PARD6G: variants seen among roughly 807,000 people sequenced by gnomAD.
PARD6G encodes par-6 family cell polarity regulator gamma.
In PARD6G, 7 loss-of-function variants were observed where a neutral mutation model predicts 10.7. The observed-to-expected ratio is 0.66, with a 90% confidence interval of 0.37 to 1.23. The LOEUF (loss-of-function observed/expected upper bound fraction) is 1.23, where lower values mean the gene tolerates loss of function less well. PARD6G is among the 50% of genes most tolerant of loss of function. The probability of loss-of-function intolerance (pLI) is 0.02; values close to 1 mark genes in which losing one functional copy is unlikely to be tolerated. For missense variants in PARD6G, 548 were observed against 571.8 expected (o/e 0.96, Z 0.42); for synonymous variants, 287 against 269.4 (o/e 1.07, Z -0.64).
chr18:80,166,959 C>G (rs565038690), intron 2 of PARD6G, among the ~76,000 whole-genome samples: 2 of 152,108 alleles, frequency 1.3e-5, no homozygotes, highest in African/African-American at 2.4e-5. Flanking sequence ...CCCATGCTGA[C>G]CCCTCTGGCC....
In PARD6G at chr18:80,160,290, C is replaced by G. The variant is rs769340015; in HGVS notation, c.612G>C (p.Ala204=). The G allele has an allele frequency of 1.2e-6, 2 of 1,612,466 alleles. No individual in the cohort carries two copies. Among genetic ancestry groups the G allele is most frequent in the East Asian group, 4.5e-5 (2 of 44,866 alleles). Residue 204 remains alanine (A), a synonymous_variant, in exon 3 of 3, where the codon GCG becomes GCC. Coordinates refer to ENST00000353265, the MANE Select transcript of PARD6G (RefSeq NM_032510.4). ...TCACAGCCAGCAGCCCGGTGCTCTC[C>G]GCCAGGCCCCCGGGTACCATGCGCG... ...FISRMVPGGL[A]ESTGLLAVND... is the part of the protein sequence containing the mutation.
At position 80,226,167 on chromosome 18, in the gene PARD6G, T is replaced by G. The variant is rs1027965920; in HGVS notation, c.72+21110A>C. Among the ~76,000 whole-genome samples the G allele has an allele frequency of 4.1e-4, 57 of 138,960 alleles. 3 individuals are homozygous for G. The highest frequency in any genetic ancestry group is 1.2e-3 in the African/African-American group (43 of 36,932). The allele number at this position is 138,960 out of a possible 152,430, so 91.2% of individuals were successfully genotyped here. On this transcript the variant is annotated intron_variant, in intron 1 of 2. Transcript: ENST00000353265. ...ATGACTTCAGTTTTTTTTTTTTTTT[T>G]TTTTTTTTTTTTTTTTTTTTAGACG...
At position 80,226,173 on chromosome 18, in the gene PARD6G, T is replaced by G. The variant is rs966060971; in HGVS notation, c.72+21104A>C. On this transcript the variant is annotated intron_variant, in intron 1 of 2. Transcript: ENST00000353265. ...TCAGTTTTTTTTTTTTTTTTTTTTTTTTTTTTTTTTTTTTAGACGGAGTTT... is the reference window on the plus strand; with the variant it reads ...TCAGTTTTTTTTTTTTTTTTTTTTTGTTTTTTTTTTTTTTAGACGGAGTTT... 2.0e-3 allele frequency among the ~76,000 whole-genome samples: 286 copies of G among 142,250 alleles called. 13 individuals are homozygous for G. The highest frequency in any genetic ancestry group is 2.9e-3 in the Non-Finnish European group (191 of 65,786). 93.3% of individuals were successfully genotyped at this position (142,250 alleles called of 152,430 possible). A position where few individuals can be genotyped will look rare whatever the true frequency, so the allele number is the denominator to read the frequency against.
intron 2 of PARD6G, among the ~76,000 whole-genome samples, chr18:80,195,554 T>TATATATATATATATATAC (rs1226885340): frequency 1.2e-5 from 1 of 86,650 alleles, no homozygotes; most frequent in South Asian, 3.2e-4. Context: ...GATACATATA[T>TATATATATATATATATAC]ATATATATAT....
intron 1 of PARD6G, among the ~76,000 whole-genome samples, chr18:80,214,397 C>T (rs993578968): frequency 1.8e-4 from 27 of 151,948 alleles, no homozygotes; most frequent in South Asian, 1.2e-3. Context: ...ACCCGGGAGG[C>T]GGACCTTGCA....
chr18:80,172,146 C>T (rs1249405522), intron 2 of PARD6G, among the ~76,000 whole-genome samples: 1 of 152,188 alleles, frequency 6.6e-6, no homozygotes, highest in Non-Finnish European at 1.5e-5. Context: ...TTCTATTCCC[C>T]CCAGCAGTTC....
Position 80,159,481 on chromosome 18 carries a change from A to T in PARD6G, c.*290T>A. 3.0e-6 allele frequency: 1 copy of T among 335,752 alleles called. No individual in the cohort carries two copies. The highest frequency in any genetic ancestry group is 5.2e-6 in the Non-Finnish European group (1 of 190,490). 20.8% of individuals were successfully genotyped at this position (335,752 alleles called of 1,614,324 possible). On this transcript the variant is annotated 3_prime_UTR_variant, in exon 3 of 3. Transcript: ENST00000353265. ...AAAACAAAGTATTTGTAAAAATTTT[A>T]AAAAGCATTTTTTTGCACTTGGTCA...
chr18:80,220,197 G>A (rs1219978322), intron 1 of PARD6G, among the ~76,000 whole-genome samples: 2 of 152,128 alleles, frequency 1.3e-5, no homozygotes, highest in African/African-American at 4.8e-5. Flanking sequence ...AGCAAAGTTG[G>A]GGGAAAGCCC....
At chr18:80,205,610 C>A (rs909145853) in intron 1 of PARD6G, among the ~76,000 whole-genome samples, 2 of 152,184 alleles carry the variant, frequency 1.3e-5, no homozygotes, top group Non-Finnish European at 2.9e-5. Flanking sequence ...CACCTTCCCC[C>A]TCTTTTAGTC....
chr18:80,172,687 G>T (rs2052785092), intron 2 of PARD6G, among the ~76,000 whole-genome samples: 1 of 152,124 alleles, frequency 6.6e-6, no homozygotes, highest in Admixed American at 6.5e-5. Context: ...GCCCAGCTGG[G>T]TTGTCTTTTC....
chr18:80,233,462 T>C (rs937378967), intron 1 of PARD6G, among the ~76,000 whole-genome samples: 1 of 152,080 alleles, frequency 6.6e-6, no homozygotes, highest in Non-Finnish European at 1.5e-5. Flanking sequence ...CTCTCCCTCA[T>C]GAAGGACCAC....
At chr18:80,176,705 T>C (rs78561910) in intron 2 of PARD6G, among the ~76,000 whole-genome samples, 8,044 of 152,192 alleles carry the variant, frequency 0.053, 314 homozygotes, top group Non-Finnish European at 0.074. Flanking sequence ...TCCCCCCTCA[T>C]TGCCTGCTGT....
chr18:80,238,167 AATG>A (rs1230227481), intron 1 of PARD6G, among the ~76,000 whole-genome samples: 7 of 152,246 alleles, frequency 4.6e-5, no homozygotes, highest in Non-Finnish European at 7.3e-5. Flanking sequence ...AGCCATAAAA[AATG>A]ATGAGTTCGT....
Position 80,180,372 on chromosome 18 carries a change from G to A in PARD6G, c.296-19766C>T, listed in dbSNP as rs542367869. On this transcript the variant is annotated intron_variant, in intron 2 of 2. Transcript: ENST00000353265. This position sits in a 1 kb window ranked among gnomAD's most constrained non-coding sequence, Gnocchi z 5.6. ...ACACGCAGCTGGGAGGGGCGCAGCC[G>A]GCAGCACCTGGGAATGCAGCACTGT... 3.9e-5 allele frequency among the ~76,000 whole-genome samples: 6 copies of A among 152,272 alleles called. No homozygotes were observed. The highest frequency in any genetic ancestry group is 1.3e-4 in the Admixed American group (2 of 15,304).
At chr18:80,172,500 C>T (rs1465312846) in intron 2 of PARD6G, among the ~76,000 whole-genome samples, 2 of 151,830 alleles carry the variant, frequency 1.3e-5, no homozygotes, top group African/African-American at 4.8e-5. Context: ...AGGCTGAGTG[C>T]CTCAACCTCC....
chr18:80,206,022 T>C (rs1367692856), intron 1 of PARD6G, among the ~76,000 whole-genome samples: 4 of 152,270 alleles, frequency 2.6e-5, no homozygotes, highest in African/African-American at 9.6e-5. Flanking sequence ...ATAGGCTAAA[T>C]GTTAGTTCTA....
At chr18:80,186,471 C>T (rs186160590) in intron 2 of PARD6G, among the ~76,000 whole-genome samples, 17 of 148,090 alleles carry the variant, frequency 1.1e-4, no homozygotes, top group Non-Finnish European at 7.4e-5. Flanking sequence ...CCTCAAGGCT[C>T]GCACACCCTC....
At chr18:80,163,645 G>A (rs1028085759) in intron 2 of PARD6G, among the ~76,000 whole-genome samples, 11 of 152,244 alleles carry the variant, frequency 7.2e-5, no homozygotes, top group African/African-American at 2.7e-4. Context: ...TGCTCTGGCC[G>A]TGGTGCACGG....
chr18:80,195,040 C>T lies in PARD6G; in HGVS notation c.295+7670G>A, dbSNP rs1343117146. The stretch of plus-strand genomic sequence containing the variant: ...CCAGCTCTGCCAGCCAGAGTCCCAC[C>T]TTGGACGAATCACTTGAGCTCGAGA... On this transcript the variant is annotated intron_variant, in intron 2 of 2. Transcript: ENST00000353265. 1.1e-3 allele frequency among the ~76,000 whole-genome samples: 3 copies of T among 2,746 alleles called. No homozygotes were observed. The African/African-American group carries it at 0.013, about 12-fold the overall frequency. The allele number at this position is 2,746 out of a possible 152,430, so 1.8% of individuals were successfully genotyped here. A position where few individuals can be genotyped will look rare whatever the true frequency, so the allele number is the denominator to read the frequency against.
Sources: gnomAD v4.1 joint callset for allele counts (sites outside exome capture counted in the v4.1 genomes callset) on GRCh38, gnomAD v4.1.1 for gene constraint, Gnocchi (gnomAD v3.1) non-coding constraint, MANE v1.5 for transcripts, NCBI Gene and HGNC (gene_info 2026-07-23, HGNC 2026-07-21) for gene names.